The following ZFPM1 variants were observed in gnomAD, a reference collection of about 807,000 sequenced individuals.
ZFPM1 encodes zinc finger protein, FOG family member 1.
Under a neutral mutation model 46.3 loss-of-function variants are expected in ZFPM1, and 28 were observed. The ratio of observed to expected loss-of-function variants is 0.60; its 90% confidence interval spans 0.45 to 0.83. ZFPM1 has a LOEUF of 0.83. Ranked by LOEUF, ZFPM1 falls within the 40% of genes least tolerant of loss-of-function variation. The pLI is 0.00. For missense variants in ZFPM1, 1,878 were observed against 1,432.4 expected, an observed-to-expected ratio of 1.31 and a Z score of -5.02; for synonymous variants, 957 against 675.9, an observed-to-expected ratio of 1.42 and a Z score of -6.45.
chr16:88,463,223 G>A (rs904797), intron 1 of ZFPM1, among the ~76,000 whole-genome samples: 51,663 of 152,154 alleles, frequency 0.34, 9,067 homozygotes, highest in East Asian at 0.49. Flanking sequence ...GTAGTCCTCC[G>A]GGGACAGGGG....
chr16:88,534,660 C>G lies in ZFPM1; in HGVS notation c.2702C>G (p.Ser901Trp). Residue 901 changes from serine to tryptophan, a missense_variant, in exon 10 of 10, where the codon TCG becomes TGG. Physicochemically the swap from Ser to Trp is radical, Grantham distance 177. Transcript: ENST00000319555. ...CGGACGCCGGCCGACCGCGGCCCCT[C>G]GCCCGCTCCCGCCCCCGCCGCCTCC... Reference protein sequence around the residue: ...EARTPADRGPSPAPAPAASPQ... With the variant: ...EARTPADRGPWPAPAPAASPQ... 1 of 1,001,064 alleles carries G rather than the reference C, an allele frequency of 1.0e-6. No homozygotes were observed. The highest frequency in any genetic ancestry group is 1.2e-6 in the Non-Finnish European group (1 of 842,282). 62.0% of individuals were successfully genotyped at this position (1,001,064 alleles called of 1,614,324 possible).
chr16:88,454,044 A>C (rs12918968), intron 1 of ZFPM1, among the ~76,000 whole-genome samples: 81,417 of 152,166 alleles, frequency 0.54, 23,101 homozygotes, highest in African/African-American at 0.73. Flanking sequence ...TTAAAATATT[A>C]CATTCTGCAA....
chr16:88,519,145 GATGGATGA>G (rs1911606202), intron 4 of ZFPM1, among the ~76,000 whole-genome samples: 1 of 136,224 alleles, frequency 7.3e-6, no homozygotes, highest in African/African-American at 2.7e-5. Flanking sequence ...TGGATGGATG[GATGGATGA>G]TGGGTGGATG....
intron 3 of ZFPM1, among the ~76,000 whole-genome samples, chr16:88,501,728 C>T (rs759761525): frequency 7.5e-6 from 1 of 134,060 alleles, no homozygotes; most frequent in Admixed American, 7.5e-5. Flanking sequence ...ATGGAGGTAA[C>T]GGGTGTGGGT....
rs910414748 is a variant in ZFPM1, at chr16:88,534,301, C to G, written c.2343C>G (p.Leu781=). Residue 781 remains leucine, a synonymous_variant, in exon 10 of 10, where the codon CTC becomes CTG. Coordinates refer to ENST00000319555, the MANE Select transcript of ZFPM1 (RefSeq NM_153813.3). Reference sequence around the variant, plus strand: ...GCGGAAGCGGAAGCGGCCCCGGCCTCGCCCCTGCGCGCTCGCCCGGCCCCG... The same window carrying G: ...GCGGAAGCGGAAGCGGCCCCGGCCTGGCCCCTGCGCGCTCGCCCGGCCCCG... ...PGSGSGSGPG[L]APARSPGPAA... 4 of 1,255,128 alleles carry G rather than the reference C, an allele frequency of 3.2e-6. No homozygotes were observed. In the African/African-American group the frequency reaches 4.8e-5, roughly 15 times the overall value. The allele number at this position is 1,255,128 out of a possible 1,614,324, so 77.7% of individuals were successfully genotyped here. A position where few individuals can be genotyped will look rare whatever the true frequency, so the allele number is the denominator to read the frequency against.
At chr16:88,482,865 TCGGG>T (rs1909015007) in intron 1 of ZFPM1, among the ~76,000 whole-genome samples, 9 of 152,152 alleles carry the variant, frequency 5.9e-5, no homozygotes, top group African/African-American at 1.9e-4. Flanking sequence ...TCCCGCCAAG[TCGGG>T]GATGGCCGAG....
chr16:88,506,989 G>A (rs1315387229), intron 3 of ZFPM1, among the ~76,000 whole-genome samples: 4 of 152,204 alleles, frequency 2.6e-5, no homozygotes, highest in African/African-American at 4.8e-5. Flanking sequence ...CCACTGCTGC[G>A]AGTGAGGGCT....
At chr16:88,482,539 AG>A (rs1823195690) in intron 1 of ZFPM1, among the ~76,000 whole-genome samples, 1 of 152,102 alleles carries the variant, frequency 6.6e-6, no homozygotes, top group Non-Finnish European at 1.5e-5. Context: ...TCACCATCCC[AG>A]CACCTCCCTG....
intron 1 of ZFPM1, among the ~76,000 whole-genome samples, chr16:88,482,970 C>T (rs377127555): frequency 2.0e-5 from 3 of 152,128 alleles, no homozygotes; most frequent in Non-Finnish European, 2.9e-5. Flanking sequence ...TCTGCCCTGG[C>T]GTGTGCTGAG....
At position 88,534,309 on chromosome 16, in the gene ZFPM1, C is replaced by T. The variant is rs1420933815; in HGVS notation, c.2351C>T (p.Ala784Val). 3 of 1,302,706 alleles carry T rather than the reference C, an allele frequency of 2.3e-6. No homozygotes were observed. Among genetic ancestry groups the T allele is most frequent in the African/African-American group, 1.6e-5 (1 of 63,088 alleles). The allele number at this position is 1,302,706 out of a possible 1,614,324, so 80.7% of individuals were successfully genotyped here. The change falls in exon 10 of 10, where the codon GCG becomes GTG. Residue 784 changes from alanine (A) to valine (V), a missense_variant. Ala to Val is a moderately conservative substitution (Grantham distance 64). Transcript: ENST00000319555. ...GGAAGCGGCCCCGGCCTCGCCCCTG[C>T]GCGCTCGCCCGGCCCCGCGGCCGAC... The part of the protein sequence containing the change: ...GSGSGPGLAP[A>V]RSPGPAADGP...
At position 88,480,585 on chromosome 16, in the gene ZFPM1, G is replaced by A. The variant is rs560256979; in HGVS notation, c.41-5354G>A. 1.2e-3 allele frequency among the ~76,000 whole-genome samples: 190 copies of A among 152,312 alleles called. No homozygotes were observed. Among genetic ancestry groups the A allele is most frequent in the African/African-American group, 3.9e-3 (163 of 41,574 alleles). ...AAGAATGAGAGAACTCCCAAGAGAG[G>A]CCAGCATAGGCGCCTGTGTCCCCTG... On this transcript the variant is annotated intron_variant, in intron 1 of 9. Coordinates refer to ENST00000319555, the MANE Select transcript of ZFPM1 (RefSeq NM_153813.3). This position sits in a 1 kb window ranked among gnomAD's most constrained non-coding sequence, Gnocchi z 4.9.
rs372192661 is a variant in ZFPM1, at chr16:88,481,026, G to A, written c.41-4913G>A. ...GAAAAAAGGGAGTTGATGAAATTCC[G>A]CTATCAGCGCCAAGCCAATATGCAA... On this transcript the variant is annotated intron_variant, in intron 1 of 9. Coordinates refer to ENST00000319555, the MANE Select transcript of ZFPM1 (RefSeq NM_153813.3). Among the ~76,000 whole-genome samples the A allele has an allele frequency of 5.2e-4, 80 of 152,386 alleles. 2 individuals are homozygous for A. The South Asian group carries it at 0.016, about 30-fold the overall frequency.
chr16:88,515,277 G>C lies in ZFPM1; in HGVS notation c.402+757G>C, dbSNP rs1300360226. ...ACAGCCTTTTGCAGCTGAGCGGGCA[G>C]ACGCATGTCCCAGGCCGCTCAGGGA... On this transcript the variant is annotated intron_variant, in intron 4 of 9. Transcript: ENST00000319555. 2.0e-5 allele frequency among the ~76,000 whole-genome samples: 3 copies of C among 152,220 alleles called. No homozygotes were observed. The East Asian group carries it at 5.8e-4, about 29-fold the overall frequency.
chr16:88,461,196 C>A (rs1907860177), intron 1 of ZFPM1, among the ~76,000 whole-genome samples: 1 of 102,786 alleles, frequency 9.7e-6, no homozygotes, highest in Non-Finnish European at 1.8e-5. Flanking sequence ...GGCGGGAGGC[C>A]TGGTGAGGAC....
chr16:88,481,088 C>T (rs1433334474), intron 1 of ZFPM1, among the ~76,000 whole-genome samples: 1 of 152,272 alleles, frequency 6.6e-6, no homozygotes, highest in Non-Finnish European at 1.5e-5. Context: ...ATTATGTTTT[C>T]ATTTCCATTT....
chr16:88,500,699 C>T (rs1260088675), intron 3 of ZFPM1, among the ~76,000 whole-genome samples: 1 of 152,222 alleles, frequency 6.6e-6, no homozygotes, highest in Non-Finnish European at 1.5e-5. Flanking sequence ...AGACCTGGGG[C>T]CTGTTGTGCC....
chr16:88,527,430 T>G (rs960828151), intron 5 of ZFPM1, among the ~76,000 whole-genome samples: 1 of 152,006 alleles, frequency 6.6e-6, no homozygotes, highest in African/African-American at 2.4e-5. Flanking sequence ...CACCCGGGGA[T>G]GAAGCGGGAG....
chr16:88,510,851 G>A (rs901459030), intron 3 of ZFPM1, among the ~76,000 whole-genome samples: 5 of 152,196 alleles, frequency 3.3e-5, no homozygotes, highest in Admixed American at 6.5e-5. Context: ...CCCCATGTAC[G>A]TTGGGAGGAG....
intron 3 of ZFPM1, among the ~76,000 whole-genome samples, chr16:88,511,364 G>C (rs904377538): frequency 6.6e-6 from 1 of 151,960 alleles, no homozygotes; most frequent in Non-Finnish European, 1.5e-5. Context: ...CCTCAGCCTC[G>C]CCGGGCCCCA....
Sources: allele counts gnomAD v4.1 joint callset (sites outside exome capture counted in the v4.1 genomes callset), GRCh38; gene constraint gnomAD v4.1.1; non-coding constraint Gnocchi (gnomAD v3.1); transcripts MANE v1.5; gene names NCBI Gene and HGNC (gene_info 2026-07-23, HGNC 2026-07-21).